The following CCDC85A variants were observed in gnomAD, a reference collection of about 807,000 sequenced individuals.
CCDC85A encodes coiled-coil domain-containing protein 85A.
In CCDC85A, 38 loss-of-function variants were observed where a neutral mutation model predicts 50.2. That is an observed-to-expected ratio of 0.76 (90% confidence interval 0.58 to 0.99). The LOEUF is 0.99. CCDC85A is among the 50% of genes least tolerant of loss of function. The pLI is 0.00. For missense variants in CCDC85A, 820 were observed against 742.0 expected, an observed-to-expected ratio of 1.11 and a Z score of -1.22; for synonymous variants, 366 against 301.4, an observed-to-expected ratio of 1.21 and a Z score of -2.22.
chr2:56,378,658 T>C (rs1003819991), intron 5 of CCDC85A, among the ~76,000 whole-genome samples: 2 of 152,216 alleles, frequency 1.3e-5, no homozygotes, highest in African/African-American at 4.8e-5. Flanking sequence ...TGAGTGTAGT[T>C]TGTGATCAGA....
At chr2:56,294,446 A>C (rs917439737) in intron 2 of CCDC85A, among the ~76,000 whole-genome samples, 35 of 152,206 alleles carry the variant, frequency 2.3e-4, no homozygotes, top group African/African-American at 8.4e-4. Context: ...ACTTAAATAA[A>C]ATTTTTAAAA....
At chr2:56,376,055 A>T (rs1473922641) in intron 5 of CCDC85A, 120 bp downstream of exon 5, 4 of 1,029,594 alleles carry the variant, frequency 3.9e-6, no homozygotes, top group Non-Finnish European at 5.3e-6. Flanking sequence ...TTGACTCCTT[A>T]TGGTGTAACT....
intron 2 of CCDC85A, among the ~76,000 whole-genome samples, chr2:56,201,843 A>G (rs890987033): frequency 1.3e-5 from 2 of 152,172 alleles, no homozygotes; most frequent in African/African-American, 4.8e-5. Flanking sequence ...TAGAACTTAA[A>G]GCCATAAAGT....
chr2:56,358,448 T>A (rs1675345842), intron 3 of CCDC85A, among the ~76,000 whole-genome samples: 1 of 152,236 alleles, frequency 6.6e-6, no homozygotes. Context: ...TCTCCAGAAA[T>A]GTCCCAGACT....
intron 2 of CCDC85A, among the ~76,000 whole-genome samples, chr2:56,234,878 G>A (rs947034097): frequency 6.6e-6 from 1 of 152,136 alleles, no homozygotes; most frequent in African/African-American, 2.4e-5. Flanking sequence ...CATTATGAAA[G>A]GTTGAATAGC....
At chr2:56,216,262 G>C (rs1215872791) in intron 2 of CCDC85A, among the ~76,000 whole-genome samples, 2 of 151,858 alleles carry the variant, frequency 1.3e-5, no homozygotes, top group Non-Finnish European at 2.9e-5. Context: ...TCATAGCAAT[G>C]TGTCCATCTT....
At chr2:56,350,873 T>G (rs113765955) in intron 3 of CCDC85A, among the ~76,000 whole-genome samples, 28,421 of 149,426 alleles carry the variant, frequency 0.19, 2,823 homozygotes, top group Admixed American at 0.26. Context: ...TTATTATACT[T>G]TAAGTTTTAG....
rs140324520 is a variant in CCDC85A at position 56,241,026 on chromosome 2, C to T, written c.1240+47586C>T. 3.5e-3 allele frequency among the ~76,000 whole-genome samples: 538 copies of T among 152,156 alleles called. 3 individuals carry two copies. The highest frequency in any genetic ancestry group is 0.024 in the Middle Eastern group (7 of 294). ...GGTTTCAATTTCTCCATATTATTGCCAGCATTTGCTATTGTCTGTCTGGAT... is the reference window on the plus strand; with the variant it reads ...GGTTTCAATTTCTCCATATTATTGCTAGCATTTGCTATTGTCTGTCTGGAT... On this transcript the variant is annotated intron_variant, in intron 2 of 5. Transcript: ENST00000407595.
chr2:56,330,207 C>T (rs190603753), intron 2 of CCDC85A, among the ~76,000 whole-genome samples: 3 of 152,106 alleles, frequency 2.0e-5, no homozygotes, highest in African/African-American at 7.2e-5. Flanking sequence ...TAATGGTGTT[C>T]ATGCTAAATA....
rs201973733 is a variant in CCDC85A at position 56,304,896 on chromosome 2, T to TA, written c.1241-37975dup. On this transcript the variant is annotated intron_variant, in intron 2 of 5. Transcript: ENST00000407595. ...AAACCCCATCTCTACTAAATATAAC[T>TA]AAAAAAAACAAAAAACAAAAAACAA... Among the ~76,000 whole-genome samples, 1,103 of 124,820 alleles carry TA rather than the reference T, an allele frequency of 8.8e-3. 23 individuals carry two copies. Among genetic ancestry groups the TA allele is most frequent in the African/African-American group, 0.03 (1,031 of 33,964 alleles). The allele number at this position is 124,820 out of a possible 152,430, so 81.9% of individuals were successfully genotyped here. A position where few individuals can be genotyped will look rare whatever the true frequency, so the allele number is the denominator to read the frequency against.
At position 56,188,843 on chromosome 2, in the gene CCDC85A, T is replaced by C. The variant is rs143906624; in HGVS notation, c.277-3634T>C. On this transcript the variant is annotated intron_variant, in intron 1 of 5. Coordinates refer to ENST00000407595, the MANE Select transcript of CCDC85A (RefSeq NM_001080433.2). ...GGTTGATCAGTCCATAAACACATAT[T>C]GAGTGTCCACTGTATGCAAGGCACC... Among the ~76,000 whole-genome samples the C allele has an allele frequency of 3.7e-3, 571 of 152,356 alleles. 3 individuals carry two copies. Among genetic ancestry groups the C allele is most frequent in the Middle Eastern group, 0.014 (4 of 294 alleles).
intron 2 of CCDC85A, among the ~76,000 whole-genome samples, chr2:56,283,027 T>C (rs1671275167): frequency 1.3e-5 from 2 of 152,218 alleles, no homozygotes. Flanking sequence ...CAATATTAAA[T>C]TCTTTTATTC....
chr2:56,339,474 A>G (rs1448049645), intron 2 of CCDC85A, among the ~76,000 whole-genome samples: 1 of 152,212 alleles, frequency 6.6e-6, no homozygotes, highest in Non-Finnish European at 1.5e-5. Context: ...TATAAACTGC[A>G]AAGATTTTGA....
chr2:56,299,784 C>G (rs1672118044), intron 2 of CCDC85A, among the ~76,000 whole-genome samples: 1 of 152,052 alleles, frequency 6.6e-6, no homozygotes, highest in Non-Finnish European at 1.5e-5. Flanking sequence ...GTAATATTAC[C>G]CATGATTCCC....
chr2:56,334,794 A>T (rs562932896), intron 2 of CCDC85A, among the ~76,000 whole-genome samples: 3 of 152,210 alleles, frequency 2.0e-5, no homozygotes, highest in Non-Finnish European at 4.4e-5. Context: ...TGAGGAAAGT[A>T]CTGCTGGCTA....
chr2:56,344,764 C>A (rs942710605), intron 3 of CCDC85A, among the ~76,000 whole-genome samples: 1 of 151,966 alleles, frequency 6.6e-6, no homozygotes, highest in Non-Finnish European at 1.5e-5. Flanking sequence ...AAGAAACCTA[C>A]AAAATCTAGT....
At chr2:56,228,542 A>AT (rs58751391) in intron 2 of CCDC85A, among the ~76,000 whole-genome samples, 34,753 of 149,980 alleles carry the variant, frequency 0.23, 4,574 homozygotes, top group African/African-American at 0.32. Context: ...TTTTTTATTT[A>AT]TTTTTTTTGA....
chr2:56,326,360 A>G (rs1673471537), intron 2 of CCDC85A, among the ~76,000 whole-genome samples: 1 of 152,162 alleles, frequency 6.6e-6, no homozygotes, highest in Admixed American at 6.6e-5. Context: ...TAAATCAAAT[A>G]AATGTCATTA....
intron 3 of CCDC85A, 45 bp from the exon 4 acceptor site, chr2:56,372,299 A>G (rs1676112172): frequency 2.1e-6 from 3 of 1,459,134 alleles, no homozygotes; most frequent in Non-Finnish European, 1.8e-6. Context: ...GACTTGGGAA[A>G]CAGTATTTTT....
Sources: allele counts gnomAD v4.1 joint callset (sites outside exome capture counted in the v4.1 genomes callset), GRCh38; gene constraint gnomAD v4.1.1; transcripts MANE v1.5; gene names NCBI Gene and HGNC (gene_info 2026-07-23, HGNC 2026-07-21).